The following TAOK3 variants were observed in gnomAD, a reference collection of about 807,000 sequenced individuals.
The protein encoded by TAOK3 is serine/threonine-protein kinase TAO3.
In TAOK3, 40 loss-of-function variants were observed where a neutral mutation model predicts 120.4. That is an observed-to-expected ratio of 0.33 (90% CI 0.26 to 0.43). TAOK3 has a LOEUF of 0.43. Among genes scored for constraint, TAOK3 ranks in the 20% least tolerant of loss-of-function variants. The pLI, the probability that TAOK3 is intolerant of heterozygous loss-of-function variation, is 1.00. For synonymous variants in TAOK3, 355 were observed against 387.5 expected (o/e 0.92, Z 0.99); for missense variants, 821 against 1,112.1 (o/e 0.74, Z 3.72).
chr12:118,318,516 T>G (rs2043568799), intron 1 of TAOK3, among the ~76,000 whole-genome samples: 1 of 152,080 alleles, frequency 6.6e-6, no homozygotes, highest in Admixed American at 6.6e-5. Flanking sequence ...ATTTCTTAAT[T>G]AAAACCACAA....
chr12:118,169,325 C>CA (rs1335221040), intron 17 of TAOK3, among the ~76,000 whole-genome samples: 1 of 121,354 alleles, frequency 8.2e-6, no homozygotes, highest in East Asian at 2.4e-4. Context: ...CACCCCCCCC[C>CA]CTTTTTTTTT....
intron 9 of TAOK3, among the ~76,000 whole-genome samples, chr12:118,221,381 G>A (rs148965263): frequency 7.0e-4 from 107 of 152,110 alleles, no homozygotes; most frequent in African/African-American, 2.6e-3. Context: ...GTGCCACTGT[G>A]CCCAGCTAAT....
intron 1 of TAOK3, among the ~76,000 whole-genome samples, chr12:118,355,666 G>A (rs2045361949): frequency 6.6e-6 from 1 of 152,148 alleles, no homozygotes; most frequent in African/African-American, 2.4e-5. Context: ...AATGCCATGT[G>A]TTGTTGTATC....
chr12:118,210,054 T>G (rs2038543459), intron 11 of TAOK3, among the ~76,000 whole-genome samples: 1 of 152,128 alleles, frequency 6.6e-6, no homozygotes, highest in Non-Finnish European at 1.5e-5. Context: ...TGAGACCTAT[T>G]TAAAATGAAG....
chr12:118,217,811 GTATACATATA>G (rs1474018784), intron 9 of TAOK3, among the ~76,000 whole-genome samples: 3,777 of 75,326 alleles, frequency 0.05, 250 homozygotes, highest in African/African-American at 0.098. Context: ...GTGTGTGTGT[GTATACATATA>G]TATATATATA....
At chr12:118,173,376 A>T (rs2036125415) in intron 16 of TAOK3, among the ~76,000 whole-genome samples, 1 of 152,216 alleles carries the variant, frequency 6.6e-6, no homozygotes, top group Non-Finnish European at 1.5e-5. Flanking sequence ...AATGGATTTC[A>T]TGCATGTGAG....
At chr12:118,342,362 TC>T (rs1555257665) in intron 1 of TAOK3, among the ~76,000 whole-genome samples, 2 of 152,208 alleles carry the variant, frequency 1.3e-5, no homozygotes, top group Non-Finnish European at 2.9e-5. Flanking sequence ...TTGACTTTGA[TC>T]CTTTCATAAA....
At chr12:118,278,358 G>A (rs771753713) in intron 1 of TAOK3, among the ~76,000 whole-genome samples, 2 of 152,026 alleles carry the variant, frequency 1.3e-5, no homozygotes, top group African/African-American at 2.4e-5. Flanking sequence ...AATGTACTCA[G>A]TATTTAGCTC....
intron 1 of TAOK3, among the ~76,000 whole-genome samples, chr12:118,270,607 A>G (rs997208982): frequency 1.3e-5 from 2 of 151,456 alleles, no homozygotes; most frequent in Non-Finnish European, 2.9e-5. Flanking sequence ...TCTTTGTCTA[A>G]GTTGTGTCCT....
intron 11 of TAOK3, among the ~76,000 whole-genome samples, chr12:118,209,540 A>T (rs1345182661): frequency 6.6e-6 from 1 of 151,986 alleles, no homozygotes; most frequent in Non-Finnish European, 1.5e-5. Flanking sequence ...CTGGGACTAC[A>T]GGTGTGAACC....
intron 1 of TAOK3, among the ~76,000 whole-genome samples, chr12:118,354,644 G>A (rs1430144146): frequency 6.6e-6 from 1 of 152,044 alleles, no homozygotes; most frequent in Non-Finnish European, 1.5e-5. Context: ...TCGGTGGGAG[G>A]TGAGTGAATC....
At chr12:118,278,002 A>C (rs2041963168) in intron 1 of TAOK3, among the ~76,000 whole-genome samples, 1 of 152,140 alleles carries the variant, frequency 6.6e-6, no homozygotes, top group South Asian at 2.1e-4. Flanking sequence ...GGTTTTGTTT[A>C]CAAAACTCTT....
intron 1 of TAOK3, among the ~76,000 whole-genome samples, chr12:118,323,665 G>C (rs758367381): frequency 6.6e-6 from 1 of 152,120 alleles, no homozygotes; most frequent in Non-Finnish European, 1.5e-5. Flanking sequence ...TATATGTACT[G>C]ACCTTATATA....
At position 118,273,685 on chromosome 12, in the gene TAOK3, G is replaced by A. The variant is rs180673479; in HGVS notation, c.-193-6926C>T. Among the ~76,000 whole-genome samples the A allele has an allele frequency of 6.2e-4, 93 of 150,960 alleles. No homozygotes were observed. In the East Asian group the frequency reaches 0.017, roughly 27 times the overall value. ...AAAAAAATTAGCTGGGCGTGGTGGC[G>A]CATACCTATAATTCCAGCTACTCAG... On this transcript the variant is annotated intron_variant, in intron 1 of 20. Transcript: ENST00000392533.
At chr12:118,215,934 T>C (rs1333354442) in intron 9 of TAOK3, among the ~76,000 whole-genome samples, 4 of 151,746 alleles carry the variant, frequency 2.6e-5, no homozygotes, top group Non-Finnish European at 5.9e-5. Flanking sequence ...GCGCGTTGGC[T>C]GACACCTATA....
rs545873336 is a variant in TAOK3 at position 118,201,545 on chromosome 12, G to A, written c.820-82C>T. On this transcript the variant is annotated intron_variant, in intron 11 of 20. Coordinates refer to ENST00000392533, the MANE Select transcript of TAOK3 (RefSeq NM_016281.4). Reference sequence around the variant, plus strand: ...AGGTACAGATATAAAAGGAAATAGAGAATCATAAAATAGTTCTATGGATAT... The same window carrying A: ...AGGTACAGATATAAAAGGAAATAGAAAATCATAAAATAGTTCTATGGATAT... 15 of 1,236,546 alleles carry A rather than the reference G, an allele frequency of 1.2e-5. No homozygotes were observed. In the Admixed American group the frequency reaches 3.8e-4, roughly 32 times the overall value. 76.6% of individuals were successfully genotyped at this position (1,236,546 alleles called of 1,614,324 possible). A position where few individuals can be genotyped will look rare whatever the true frequency, so the allele number is the denominator to read the frequency against.
chr12:118,174,034 CT>C (rs1200894081), intron 16 of TAOK3, among the ~76,000 whole-genome samples: 1 of 152,126 alleles, frequency 6.6e-6, no homozygotes, highest in Admixed American at 6.5e-5. Flanking sequence ...AAGAGGAAGC[CT>C]GGGTCATTCA....
At chr12:118,195,089 T>C (rs960237101) in intron 13 of TAOK3, among the ~76,000 whole-genome samples, 2 of 152,096 alleles carry the variant, frequency 1.3e-5, no homozygotes, top group Non-Finnish European at 2.9e-5. Context: ...GAACACTTAT[T>C]CTGTTTTATA....
intron 1 of TAOK3, among the ~76,000 whole-genome samples, chr12:118,334,607 G>A (rs1426007411): frequency 6.6e-6 from 1 of 152,208 alleles, no homozygotes; most frequent in Non-Finnish European, 1.5e-5. Context: ...CGGGTGTGGT[G>A]GCTCACACCT....
Sources: allele counts gnomAD v4.1 joint callset (sites outside exome capture counted in the v4.1 genomes callset), GRCh38; gene constraint gnomAD v4.1.1; transcripts MANE v1.5; gene names NCBI Gene and HGNC (gene_info 2026-07-23, HGNC 2026-07-21).